The following CIRSR variants were observed in gnomAD, a reference collection of about 807,000 sequenced individuals.
CIRSR encodes the protein corepressor of RBPJ and splicing regulator.
the CIRSR span, among the ~76,000 whole-genome samples, chr2:174,360,524 T>C: frequency 6.6e-6 from 1 of 152,212 alleles, no homozygotes; most frequent in Non-Finnish European, 1.5e-5. Flanking sequence ...TTTCATTCAT[T>C]CTCCTTTTCT....
the CIRSR span, among the ~76,000 whole-genome samples, chr2:174,371,107 A>G: frequency 6.6e-6 from 1 of 152,162 alleles, no homozygotes; most frequent in African/African-American, 2.4e-5. Flanking sequence ...GACAGAAAAA[A>G]TTAGGTGGTT....
chr2:174,348,547 A>T, the CIRSR span: 4 of 1,614,022 alleles, frequency 2.5e-6, no homozygotes, highest in Non-Finnish European at 3.4e-6. Flanking sequence ...TGCTCTCTGT[A>T]CATTTTTTCT....
At chr2:174,384,529 C>CA in the CIRSR span, among the ~76,000 whole-genome samples, 2 of 151,936 alleles carry the variant, frequency 1.3e-5, no homozygotes, top group Admixed American at 6.6e-5. Flanking sequence ...ATATATTTTA[C>CA]AAAAAAACCC....
At chr2:174,380,681 A>C in the CIRSR span, 1 of 1,612,734 alleles carries the variant, frequency 6.2e-7, no homozygotes, top group Non-Finnish European at 8.5e-7. Context: ...CTGCCATTCA[A>C]ATTTGTATTC....
the CIRSR span, among the ~76,000 whole-genome samples, chr2:174,378,207 C>CT: frequency 6.6e-6 from 1 of 152,112 alleles, no homozygotes; most frequent in Non-Finnish European, 1.5e-5. Flanking sequence ...CAAAAAATCT[C>CT]TGAGTTATAC....
At chr2:174,386,204 G>T in the CIRSR span, among the ~76,000 whole-genome samples, 1 of 151,994 alleles carries the variant, frequency 6.6e-6, no homozygotes, top group Non-Finnish European at 1.5e-5. Context: ...TATCTGAGAC[G>T]GAGTTTCGCT....
the CIRSR span, among the ~76,000 whole-genome samples, chr2:174,354,437 TATA>T: frequency 2.3e-5 from 1 of 43,484 alleles, no homozygotes; most frequent in Non-Finnish European, 4.4e-5. Context: ...ATATGATATA[TATA>T]ATATATTATA....
chr2:174,385,481 C>T, the CIRSR span, among the ~76,000 whole-genome samples: 6 of 152,058 alleles, frequency 3.9e-5, no homozygotes, highest in African/African-American at 1.4e-4. Flanking sequence ...TAGCAATGAA[C>T]ACACTTAGTG....
the CIRSR span, chr2:174,380,951 CTTCT>C: frequency 1.3e-3 from 859 of 657,756 alleles, 5 homozygotes; most frequent in African/African-American, 0.014. Context: ...GACTTTTTTT[CTTCT>C]TTCACATGAT....
the CIRSR span, among the ~76,000 whole-genome samples, chr2:174,362,686 CAAAAAAA>C: frequency 1.3e-3 from 27 of 20,676 alleles, no homozygotes; most frequent in Non-Finnish European, 1.9e-3. Context: ...GACTCTGCCT[CAAAAAAA>C]AAAAAAAAAA....
the CIRSR span, among the ~76,000 whole-genome samples, chr2:174,385,240 T>G: frequency 1.3e-5 from 2 of 151,450 alleles, no homozygotes; most frequent in African/African-American, 4.8e-5. Flanking sequence ...AAAAAAAATT[T>G]TTTTTTTCAT....
At chr2:174,378,731 C>T in the CIRSR span, 3 of 592,884 alleles carry the variant, frequency 5.1e-6, no homozygotes, top group African/African-American at 1.9e-5. Flanking sequence ...TCCTATTACA[C>T]AGCATTTTAA....
At chr2:174,354,171 T>A in the CIRSR span, among the ~76,000 whole-genome samples, 2 of 151,520 alleles carry the variant, frequency 1.3e-5, no homozygotes, top group East Asian at 3.9e-4. Context: ...AGCATTTATA[T>A]TTTTCAAAAA....
At chr2:174,392,557 G>A in the CIRSR span, among the ~76,000 whole-genome samples, 1 of 152,050 alleles carries the variant, frequency 6.6e-6, no homozygotes, top group African/African-American at 2.4e-5. Context: ...AAGATGATGA[G>A]GGTCTGAATT....
chr2:174,382,861 T>A, the CIRSR span, among the ~76,000 whole-genome samples: 1 of 152,032 alleles, frequency 6.6e-6, no homozygotes, highest in Non-Finnish European at 1.5e-5. Context: ...AAGATCCAAG[T>A]AAAAATAATA....
At chr2:174,368,967 T>C in the CIRSR span, among the ~76,000 whole-genome samples, 7 of 152,200 alleles carry the variant, frequency 4.6e-5, no homozygotes, top group African/African-American at 9.6e-5. Flanking sequence ...TAAATGAACA[T>C]TGGCTTCAGA....
the CIRSR span, among the ~76,000 whole-genome samples, chr2:174,383,849 CAAA>C: frequency 1.6e-5 from 2 of 121,470 alleles, no homozygotes; most frequent in African/African-American, 6.5e-5. Context: ...AGCTATCTTC[CAAA>C]AAAAAAAAAA....
At chr2:174,373,428 G>A in the CIRSR span, among the ~76,000 whole-genome samples, 1 of 152,110 alleles carries the variant, frequency 6.6e-6, no homozygotes, top group Non-Finnish European at 1.5e-5. Flanking sequence ...TAATACAGGA[G>A]TACAAAGGAA....
the CIRSR span, among the ~76,000 whole-genome samples, chr2:174,383,285 T>C: frequency 6.6e-6 from 1 of 152,204 alleles, no homozygotes; most frequent in African/African-American, 2.4e-5. Flanking sequence ...TGACTGCTAA[T>C]GGGTAGAAGA....
Sources: allele counts gnomAD v4.1 joint callset (sites outside exome capture counted in the v4.1 genomes callset), GRCh38; gene constraint gnomAD v4.1.1; transcripts MANE v1.5; gene names NCBI Gene and HGNC (gene_info 2026-07-23, HGNC 2026-07-21).